Variants in PCDHA5 observed in about 807,000 individuals in gnomAD.
The protein encoded by PCDHA5 is protocadherin alpha 5.
Under a neutral mutation model 61.6 loss-of-function variants are expected in PCDHA5, and 43 were observed. The ratio of observed to expected loss-of-function variants is 0.70; its 90% CI spans 0.55 to 0.90. PCDHA5 has a LOEUF of 0.90. Ranked by LOEUF, PCDHA5 falls within the 40% of genes least tolerant of loss-of-function variation. PCDHA5 has a pLI of 0.00. For missense variants in PCDHA5, 1,298 were observed against 1,222.7 expected, an observed-to-expected ratio of 1.06 and a Z score of -0.92; for synonymous variants, 627 against 543.9, an observed-to-expected ratio of 1.15 and a Z score of -2.13.
At chr5:140,853,303 A>G in intron 1 of PCDHA5, 1 of 982,870 alleles carries the variant, frequency 1.0e-6, no homozygotes, top group Non-Finnish European at 1.2e-6. Flanking sequence ...AAGGGCTGTG[A>G]ACACCTTAGT....
At chr5:140,869,588 T>G (rs1404476349) in intron 1 of PCDHA5, 7 of 1,613,996 alleles carry the variant, frequency 4.3e-6, no homozygotes, top group Non-Finnish European at 5.9e-6. Flanking sequence ...GATGCTGACA[T>G]TGAAGAGAAT....
rs1247587764 is a variant in PCDHA5 at position 140,883,158 on chromosome 5, C to T, written c.2352+59031C>T. ...GTGGTATATGCATTTACCATAAATC[C>T]GAACAATGGAGAAATTAGGACAAAA... On this transcript the variant is annotated intron_variant, in intron 1 of 3. Coordinates refer to ENST00000529859, the MANE Select transcript of PCDHA5 (RefSeq NM_018908.3). The T allele has an allele frequency of 1.9e-6, 3 of 1,613,592 alleles. No individual in the cohort carries two copies. In the African/African-American group the frequency reaches 4.0e-5, roughly 22 times the overall value.
chr5:140,928,942 T>C lies in PCDHA5; in HGVS notation c.2353-50007T>C. The stretch of plus-strand genomic sequence containing the variant: ...GCAGCTTTCTGCCCAGAACTTGTAT[T>C]TAGTAATTGCCTTGGCTTGTATTTC... On this transcript the variant is annotated intron_variant, in intron 1 of 3. Transcript: ENST00000529859. 4 of 1,614,060 alleles carry C rather than the reference T, an allele frequency of 2.5e-6. No individual in the cohort carries two copies. The South Asian group carries it at 4.4e-5, about 18-fold the overall frequency.
At chr5:140,838,126 GTGTGTT>G (rs1562369435) in intron 1 of PCDHA5, among the ~76,000 whole-genome samples, 1 of 138,748 alleles carries the variant, frequency 7.2e-6, no homozygotes, top group Admixed American at 7.2e-5. Context: ...GTGTGTGTGT[GTGTGTT>G]TGACAGAGTT....
At chr5:140,977,306 C>G (rs995052680) in intron 1 of PCDHA5, among the ~76,000 whole-genome samples, 22 of 152,268 alleles carry the variant, frequency 1.4e-4, no homozygotes, top group African/African-American at 4.8e-4. Context: ...GACAAGCTAA[C>G]GATAGTGCTC....
At chr5:140,880,791 A>G (rs950375774) in intron 1 of PCDHA5, among the ~76,000 whole-genome samples, 4 of 152,242 alleles carry the variant, frequency 2.6e-5, no homozygotes, top group Non-Finnish European at 4.4e-5. Context: ...GAGGAGTAAT[A>G]TAAATAGGTG....
intron 1 of PCDHA5, chr5:140,842,416 T>C (rs1486970475): frequency 6.2e-7 from 1 of 1,613,166 alleles, no homozygotes; most frequent in Non-Finnish European, 8.5e-7. Flanking sequence ...ACGCTCAATT[T>C]GGTACTGTCA....
chr5:140,870,852 G>A lies in PCDHA5; in HGVS notation c.2352+46725G>A, dbSNP rs782301779. 4.3e-6 allele frequency: 7 copies of A among 1,613,862 alleles called. No individual in the cohort carries two copies. In the Admixed American group the frequency reaches 1.0e-4, roughly 23 times the overall value. ...CAGTTAACAAGCTAGTACCGCGGTCGGTGGGTGCGGGCCACGTGGTGGCGA... is the reference window on the plus strand; with the variant it reads ...CAGTTAACAAGCTAGTACCGCGGTCAGTGGGTGCGGGCCACGTGGTGGCGA... On this transcript the variant is annotated intron_variant, in intron 1 of 3. Transcript: ENST00000529859.
At chr5:140,836,139 G>T (rs2150253761) in intron 1 of PCDHA5, 1 of 1,613,778 alleles carries the variant, frequency 6.2e-7, no homozygotes, top group Middle Eastern at 1.6e-4. Context: ...GCGGTCTGTG[G>T]GCGCGGGCCA....
intron 1 of PCDHA5, chr5:140,857,586 G>A: frequency 6.3e-7 from 1 of 1,596,656 alleles, no homozygotes; most frequent in Non-Finnish European, 8.6e-7. Flanking sequence ...CACGCGGAGA[G>A]CGGCAAGGTG....
intron 1 of PCDHA5, chr5:140,968,774 C>T (rs2096269643): frequency 6.2e-7 from 1 of 1,614,088 alleles, no homozygotes. Flanking sequence ...AGAGCCATCA[C>T]TATCAGCCTC....
At chr5:140,838,075 ATAGTGT>A (rs1332388454) in intron 1 of PCDHA5, among the ~76,000 whole-genome samples, 13,757 of 126,792 alleles carry the variant, frequency 0.11, 706 homozygotes, top group East Asian at 0.24. Context: ...TTATATATAT[ATAGTGT>A]GTGTGTGTGT....
chr5:140,884,172 G>T lies in PCDHA5; in HGVS notation c.2352+60045G>T, dbSNP rs142435897. ...TACACTGGCGAGATCAGCACGACGCGCCCTCTGGACGAGGTGGACGCGCCG... is the reference window on the plus strand; with the variant it reads ...TACACTGGCGAGATCAGCACGACGCTCCCTCTGGACGAGGTGGACGCGCCG... On this transcript the variant is annotated intron_variant, in intron 1 of 3. Transcript: ENST00000529859. 84 of 1,613,386 alleles carry T rather than the reference G, an allele frequency of 5.2e-5. No homozygotes were observed. In the African/African-American group the frequency reaches 9.2e-4, roughly 18 times the overall value.
At position 140,878,750 on chromosome 5, in the gene PCDHA5, T is replaced by A. The variant is rs143616284; in HGVS notation, c.2352+54623T>A. ...AGCCTTATATCTACTTTCTTACATATCTTTAGTTTAGGATCTGGAATATAG... is the reference window on the plus strand; with the variant it reads ...AGCCTTATATCTACTTTCTTACATAACTTTAGTTTAGGATCTGGAATATAG... On this transcript the variant is annotated intron_variant, in intron 1 of 3. Coordinates refer to ENST00000529859, the MANE Select transcript of PCDHA5 (RefSeq NM_018908.3). Among the ~76,000 whole-genome samples, 863 of 152,338 alleles carry A rather than the reference T, an allele frequency of 5.7e-3. 5 individuals are homozygous for A. Among genetic ancestry groups the A allele is most frequent in the Middle Eastern group, 0.014 (4 of 294 alleles).
At chr5:140,836,226 G>A (rs2150255881) in intron 1 of PCDHA5, 3 of 1,613,708 alleles carry the variant, frequency 1.9e-6, no homozygotes, top group Admixed American at 1.7e-5. Flanking sequence ...GCAACCGGTG[G>A]CGGCCGGTGC....
intron 1 of PCDHA5, chr5:140,835,164 G>A: frequency 8.8e-6 from 13 of 1,477,492 alleles, no homozygotes; most frequent in Non-Finnish European, 1.2e-5. Context: ...CGGAACGCTG[G>A]TGATTCACCC....
intron 1 of PCDHA5, chr5:140,862,299 T>C: frequency 3.7e-6 from 1 of 273,624 alleles, no homozygotes; most frequent in Non-Finnish European, 7.2e-6. Flanking sequence ...GACGCTCCAC[T>C]GGGTACCGTC....
At chr5:140,906,099 T>G (rs1377633678) in intron 1 of PCDHA5, among the ~76,000 whole-genome samples, 1 of 152,118 alleles carries the variant, frequency 6.6e-6, no homozygotes, top group African/African-American at 2.4e-5. Flanking sequence ...AGTAAGTGTG[T>G]CTTTCCCAGT....
intron 1 of PCDHA5, chr5:140,830,456 C>G: frequency 1.3e-6 from 2 of 1,594,032 alleles, no homozygotes; most frequent in Non-Finnish European, 1.7e-6. Flanking sequence ...GGCGGAGAAT[C>G]AGGATTTAAA....
Sources: gnomAD v4.1 joint callset for allele counts (sites outside exome capture counted in the v4.1 genomes callset) on GRCh38, gnomAD v4.1.1 for gene constraint, MANE v1.5 for transcripts, NCBI Gene and HGNC (gene_info 2026-07-23, HGNC 2026-07-21) for gene names.